ST3GAL3: variants seen among roughly 807,000 people sequenced by gnomAD.
ST3GAL3 encodes the protein ST3 beta-galactoside alpha-2,3-sialyltransferase 3.
ST3GAL3 carries 21 observed loss-of-function variants against 50.1 expected under a neutral mutation model. That is an observed-to-expected ratio of 0.42 (90% CI 0.30 to 0.60). The LOEUF (loss-of-function observed/expected upper bound fraction) is 0.60. Among genes scored for constraint, ST3GAL3 ranks in the 20% least tolerant of loss-of-function variants. The pLI is 0.19. For missense variants in ST3GAL3, 353 were observed against 489.4 expected, an observed-to-expected ratio of 0.72 and a Z score of 2.63; for synonymous variants, 183 against 190.0, an observed-to-expected ratio of 0.96 and a Z score of 0.30.
Position 43,899,131 on chromosome 1 carries a change from G to C in ST3GAL3, c.462-37G>C. The stretch of plus-strand genomic sequence containing the variant: ...AGCAGGGAAAGAGACCTGGTGGGCA[G>C]CTCTCTGTACAGAGGTCTCCGCCTC... On this transcript the variant is annotated intron_variant, in intron 7 of 11. Transcript: ENST00000347631. This position sits in a 1 kb window ranked among gnomAD's most constrained non-coding sequence, Gnocchi z 5.4. 6.2e-7 allele frequency: 1 copy of C among 1,613,628 alleles called. No homozygotes were observed. The highest frequency in any genetic ancestry group is 8.5e-7 in the Non-Finnish European group (1 of 1,179,938).
At chr1:43,845,354 G>A (rs938510303) in intron 5 of ST3GAL3, among the ~76,000 whole-genome samples, 1 of 151,764 alleles carries the variant, frequency 6.6e-6, no homozygotes, top group African/African-American at 2.4e-5. Context: ...AAGTTTTTCT[G>A]TTTCTTCTTT....
chr1:43,819,976 G>A (rs1392813369), intron 4 of ST3GAL3, among the ~76,000 whole-genome samples: 6 of 151,940 alleles, frequency 3.9e-5, no homozygotes, highest in African/African-American at 7.3e-5. Flanking sequence ...AAATGTATAC[G>A]AAACCAAAAA....
intron 3 of ST3GAL3, among the ~76,000 whole-genome samples, chr1:43,803,048 C>T (rs1319567830): frequency 6.6e-6 from 1 of 152,078 alleles, no homozygotes; most frequent in African/African-American, 2.4e-5. Flanking sequence ...GCCTCAGCCT[C>T]CCAAGTAGCT....
chr1:43,771,404 C>T (rs990995132), intron 2 of ST3GAL3, among the ~76,000 whole-genome samples: 1 of 151,596 alleles, frequency 6.6e-6, no homozygotes, highest in Non-Finnish European at 1.5e-5. Flanking sequence ...GTCGCCCAGG[C>T]TGGAGTGCAG....
intron 9 of ST3GAL3, chr1:43,913,256 T>C (rs2081240263): frequency 6.6e-6 from 1 of 152,274 alleles, no homozygotes; most frequent in Admixed American, 6.5e-5. Flanking sequence ...TGACACTCAC[T>C]ATAATCATAA....
intron 2 of ST3GAL3, among the ~76,000 whole-genome samples, chr1:43,778,089 A>G (rs1457936954): frequency 6.6e-6 from 1 of 152,212 alleles, no homozygotes; most frequent in Non-Finnish European, 1.5e-5. Context: ...ATGGAATACT[A>G]TGCAGCCATA....
intron 5 of ST3GAL3, among the ~76,000 whole-genome samples, chr1:43,852,491 T>C (rs1204830504): frequency 4.6e-5 from 7 of 152,182 alleles, no homozygotes. Flanking sequence ...CCATAGAGAC[T>C]GTGAACTTCT....
intron 2 of ST3GAL3, among the ~76,000 whole-genome samples, chr1:43,788,104 T>C (rs2057575278): frequency 6.6e-6 from 1 of 152,274 alleles, no homozygotes; most frequent in Non-Finnish European, 1.5e-5. Context: ...AATACATGTT[T>C]ACTGTACAAA....
chr1:43,882,965 TTATTTATTTATTTA>T, intron 5 of ST3GAL3, among the ~76,000 whole-genome samples: 2 of 44,700 alleles, frequency 4.5e-5, no homozygotes, highest in African/African-American at 9.5e-5. Context: ...ATTTATTTAT[TTATTTATTTATTTA>T]GAGACAGGCT....
rs577740911 is a variant in ST3GAL3 at position 43,730,272 on chromosome 1, T to G, written c.-30-5961T>G. Among the ~76,000 whole-genome samples the G allele has an allele frequency of 1.4e-3, 218 of 152,340 alleles. 1 individual carries two copies. Among genetic ancestry groups the G allele is most frequent in the African/African-American group, 5.1e-3 (214 of 41,578 alleles). ...GCTGCATCTGTTGACTCACTGACTG[T>G]TGTGTGTCTGCCAGAGCCTTGGGCT... On this transcript the variant is annotated intron_variant, in intron 1 of 11. Coordinates refer to ENST00000347631, the MANE Select transcript of ST3GAL3 (RefSeq NM_006279.5).
At chr1:43,893,924 G>A (rs1268310194) in intron 5 of ST3GAL3, among the ~76,000 whole-genome samples, 1 of 152,074 alleles carries the variant, frequency 6.6e-6, no homozygotes, top group Admixed American at 6.6e-5. Flanking sequence ...TCCTCACTGT[G>A]GGTGGTCCAC....
chr1:43,920,965 G>A, intron 11 of ST3GAL3, 37 bp downstream of exon 11: 1 of 1,568,582 alleles, frequency 6.4e-7, no homozygotes, highest in Non-Finnish European at 8.7e-7. Flanking sequence ...CCTGGGTGGG[G>A]ATGAGGGGGA....
chr1:43,927,620 G>C (rs1284860237), intron 11 of ST3GAL3, among the ~76,000 whole-genome samples: 1 of 152,140 alleles, frequency 6.6e-6, no homozygotes, highest in Non-Finnish European at 1.5e-5. Context: ...CCAAGTCTCT[G>C]TTTTCCCTGT....
intron 4 of ST3GAL3, among the ~76,000 whole-genome samples, chr1:43,816,778 G>T (rs984586273): frequency 3.9e-5 from 6 of 152,120 alleles, no homozygotes; most frequent in African/African-American, 1.4e-4. Flanking sequence ...GAGTTAACTT[G>T]GTCTTTAGCA....
intron 9 of ST3GAL3, among the ~76,000 whole-genome samples, chr1:43,908,803 T>C (rs573246661): frequency 6.6e-6 from 1 of 152,230 alleles, no homozygotes; most frequent in African/African-American, 2.4e-5. Context: ...GGCTAATTTT[T>C]ATATTTTTAG....
At chr1:43,908,599 C>G (rs2080226391) in intron 9 of ST3GAL3, among the ~76,000 whole-genome samples, 1 of 151,924 alleles carries the variant, frequency 6.6e-6, no homozygotes, top group Non-Finnish European at 1.5e-5. Context: ...TGATCTGGCC[C>G]CTTCCAAGCC....
At chr1:43,846,890 A>G (rs1484813297) in intron 5 of ST3GAL3, among the ~76,000 whole-genome samples, 2 of 152,234 alleles carry the variant, frequency 1.3e-5, no homozygotes, top group Non-Finnish European at 2.9e-5. Context: ...ATATTTGCAA[A>G]TCATATATCT....
chr1:43,730,641 G>A (rs1200298084), intron 1 of ST3GAL3, among the ~76,000 whole-genome samples: 2 of 146,958 alleles, frequency 1.4e-5, no homozygotes, highest in Non-Finnish European at 3.0e-5. Context: ...TGTCATAATG[G>A]CTTACTGTAA....
intron 4 of ST3GAL3, among the ~76,000 whole-genome samples, chr1:43,834,887 G>T (rs2064078258): frequency 6.6e-6 from 1 of 152,238 alleles, no homozygotes; most frequent in Non-Finnish European, 1.5e-5. Flanking sequence ...TGTCCTCTGT[G>T]ACAGTTTCTG....
Sources: allele counts gnomAD v4.1 joint callset (sites outside exome capture counted in the v4.1 genomes callset), GRCh38; gene constraint gnomAD v4.1.1; non-coding constraint Gnocchi (gnomAD v3.1); transcripts MANE v1.5; gene names NCBI Gene and HGNC (gene_info 2026-07-23, HGNC 2026-07-21).